ZNG1B: variants seen among roughly 807,000 people sequenced by gnomAD.
The protein encoded by ZNG1B is zinc-regulated GTPase metalloprotein activator 1B.
the ZNG1B span, among the ~76,000 whole-genome samples, chr2:113,444,709 T>G: frequency 6.6e-6 from 1 of 151,874 alleles, no homozygotes; most frequent in Non-Finnish European, 1.5e-5. Context: ...TCAGATAAAG[T>G]TTCCTCTGCT....
the ZNG1B span, chr2:113,445,209 A>G: frequency 1.1e-6 from 1 of 934,880 alleles, no homozygotes; most frequent in Non-Finnish European, 1.6e-6. Flanking sequence ...CTCGGTTGTC[A>G]TTTTCTTTGG....
the ZNG1B span, among the ~76,000 whole-genome samples, chr2:113,456,341 C>CCCCAAAT: frequency 6.6e-6 from 1 of 151,964 alleles, no homozygotes; most frequent in African/African-American, 2.4e-5. Flanking sequence ...AGCAAAAAAG[C>CCCCAAAT]CCCAAATTAT....
At chr2:113,462,202 A>T in the ZNG1B span, among the ~76,000 whole-genome samples, 1 of 152,250 alleles carries the variant, frequency 6.6e-6, no homozygotes, top group African/African-American at 2.4e-5. Context: ...AGTAATGAAC[A>T]CAATTCATCC....
At chr2:113,479,532 CTTT>C in the ZNG1B span, among the ~76,000 whole-genome samples, 2 of 152,112 alleles carry the variant, frequency 1.3e-5, no homozygotes, top group Non-Finnish European at 2.9e-5. Context: ...GGTTAAGACC[CTTT>C]GTCTTTTGCT....
At chr2:113,481,121 C>T in the ZNG1B span, among the ~76,000 whole-genome samples, 1,106 of 119,984 alleles carry the variant, frequency 9.2e-3, 4 homozygotes, top group Non-Finnish European at 0.012. Flanking sequence ...GTATGAAGTT[C>T]TAGGCAGTCA....
chr2:113,439,797 C>G, the ZNG1B span, among the ~76,000 whole-genome samples: 1 of 151,348 alleles, frequency 6.6e-6, no homozygotes, highest in South Asian at 2.1e-4. Context: ...TTTTGTGCAT[C>G]TCCTATTGAA....
chr2:113,492,016 C>T, the ZNG1B span, among the ~76,000 whole-genome samples: 8 of 131,554 alleles, frequency 6.1e-5, 2 homozygotes, highest in Non-Finnish European at 1.3e-4. Context: ...GTGGTGAACA[C>T]GGAACACTTC....
chr2:113,450,506 GCTT>G, the ZNG1B span, among the ~76,000 whole-genome samples: 6 of 148,138 alleles, frequency 4.1e-5, no homozygotes, highest in African/African-American at 1.3e-4. Flanking sequence ...ATCTTATTCT[GCTT>G]CTTCTTGCTT....
chr2:113,489,441 G>GA, the ZNG1B span, among the ~76,000 whole-genome samples: 1 of 151,934 alleles, frequency 6.6e-6, no homozygotes, highest in Non-Finnish European at 1.5e-5. Flanking sequence ...AATACAATTA[G>GA]AAAAACAACA....
chr2:113,476,645 GT>G, the ZNG1B span, among the ~76,000 whole-genome samples: 16 of 150,218 alleles, frequency 1.1e-4, no homozygotes, highest in Admixed American at 8.0e-4. Flanking sequence ...CATCTTTGTG[GT>G]TTTTATCTAC....
At chr2:113,453,407 C>T in the ZNG1B span, among the ~76,000 whole-genome samples, 7 of 151,554 alleles carry the variant, frequency 4.6e-5, no homozygotes, top group African/African-American at 1.5e-4. Context: ...CGTGCACCAT[C>T]GTACCTGGCT....
At chr2:113,477,374 G>A in the ZNG1B span, among the ~76,000 whole-genome samples, 8 of 152,154 alleles carry the variant, frequency 5.3e-5, no homozygotes, top group Admixed American at 1.3e-4. Flanking sequence ...GCCCTGCTTC[G>A]GCTCGCGGAT....
At chr2:113,459,913 A>C in the ZNG1B span, among the ~76,000 whole-genome samples, 6 of 147,236 alleles carry the variant, frequency 4.1e-5, no homozygotes, top group Non-Finnish European at 9.0e-5. Flanking sequence ...GAAAAAAAAA[A>C]CAGACAACAA....
At chr2:113,446,228 TA>T in the ZNG1B span, among the ~76,000 whole-genome samples, 1 of 151,938 alleles carries the variant, frequency 6.6e-6, no homozygotes, top group African/African-American at 2.4e-5. Context: ...AGAGTTTAAT[TA>T]AACACGATTC....
At chr2:113,454,304 G>A in the ZNG1B span, among the ~76,000 whole-genome samples, 1 of 152,074 alleles carries the variant, frequency 6.6e-6, no homozygotes, top group Non-Finnish European at 1.5e-5. Flanking sequence ...ACCTTAAGAT[G>A]TCTCATTCTT....
the ZNG1B span, among the ~76,000 whole-genome samples, chr2:113,488,158 C>T: frequency 6.6e-6 from 1 of 152,144 alleles, no homozygotes; most frequent in Non-Finnish European, 1.5e-5. Flanking sequence ...GTATCCACAG[C>T]TGAGAGACCC....
At chr2:113,451,712 T>G in the ZNG1B span, among the ~76,000 whole-genome samples, 68 of 150,628 alleles carry the variant, frequency 4.5e-4, no homozygotes, top group African/African-American at 1.6e-3. Flanking sequence ...TTTAAATAGA[T>G]CTTTCTCATG....
chr2:113,470,921 C>T, the ZNG1B span: 1 of 1,039,072 alleles, frequency 9.6e-7, no homozygotes. Flanking sequence ...CATTTGCCCA[C>T]TTCTATGAAT....
the ZNG1B span, among the ~76,000 whole-genome samples, chr2:113,472,054 G>A: frequency 7.0e-4 from 104 of 148,626 alleles, 2 homozygotes; most frequent in East Asian, 0.016. Context: ...CTGAGGAATC[G>A]CCACACTGAC....
Sources: gnomAD v4.1 joint callset for allele counts (sites outside exome capture counted in the v4.1 genomes callset) on GRCh38, gnomAD v4.1.1 for gene constraint, MANE v1.5 for transcripts, NCBI Gene and HGNC (gene_info 2026-07-23, HGNC 2026-07-21) for gene names.